The following CPNE5 variants were observed in gnomAD, a reference collection of about 807,000 sequenced individuals.
CPNE5 encodes the protein copine 5.
Under a neutral mutation model 81.1 loss-of-function variants are expected in CPNE5, and 42 were observed. The ratio of observed to expected loss-of-function variants is 0.52; its 90% CI spans 0.40 to 0.67. The LOEUF is 0.67. CPNE5 is among the 30% of genes least tolerant of loss of function. The probability of loss-of-function intolerance (pLI) is 0.00; values close to 1 mark genes in which losing one functional copy is unlikely to be tolerated. For missense variants in CPNE5, 612 were observed against 815.5 expected, an observed-to-expected ratio of 0.75 and a Z score of 3.04; for synonymous variants, 313 against 321.5, an observed-to-expected ratio of 0.97 and a Z score of 0.28.
At chr6:36,838,310 T>G (rs1289569337) in intron 1 of CPNE5, among the ~76,000 whole-genome samples, 1 of 152,230 alleles carries the variant, frequency 6.6e-6, no homozygotes, top group Non-Finnish European at 1.5e-5. Context: ...ATGCTGTCGG[T>G]GATCTGGGGC....
In CPNE5 at chr6:36,838,130, C is replaced by A. The variant is rs141253598; in HGVS notation, c.95+1153G>T. Among the ~76,000 whole-genome samples, 502 of 152,320 alleles carry A rather than the reference C, an allele frequency of 3.3e-3. 3 individuals carry two copies. The highest frequency in any genetic ancestry group is 0.011 in the African/African-American group (463 of 41,564). ...TCACACTGAGTCCTTCCCTCCTTCA[C>A]GCCCCTGCCCAGACTCTCCAGCTCT... On this transcript the variant is annotated intron_variant, in intron 1 of 20. Transcript: ENST00000244751.
At chr6:36,811,086 C>T (rs751495897) in intron 3 of CPNE5, among the ~76,000 whole-genome samples, 43 of 152,186 alleles carry the variant, frequency 2.8e-4, no homozygotes, top group Non-Finnish European at 5.4e-4. Flanking sequence ...CCTCGGGGAA[C>T]GGGGAACGAC....
intron 3 of CPNE5, among the ~76,000 whole-genome samples, chr6:36,816,579 T>C (rs1225507772): frequency 6.6e-6 from 1 of 152,234 alleles, no homozygotes; most frequent in Non-Finnish European, 1.5e-5. Context: ...AGAGGTGATT[T>C]GTTCCTGAAG....
At chr6:36,812,892 G>A (rs1771222444) in intron 3 of CPNE5, among the ~76,000 whole-genome samples, 1 of 152,228 alleles carries the variant, frequency 6.6e-6, no homozygotes, top group Non-Finnish European at 1.5e-5. Context: ...ACCTCTTAGA[G>A]AGGCCTGCCT....
chr6:36,817,556 T>C (rs1409062803), intron 3 of CPNE5, among the ~76,000 whole-genome samples: 1 of 152,142 alleles, frequency 6.6e-6, no homozygotes, highest in Non-Finnish European at 1.5e-5. Context: ...TGACTCTTCC[T>C]GTATCTTGCC....
intron 8 of CPNE5, among the ~76,000 whole-genome samples, chr6:36,786,919 A>G (rs2150492668): frequency 6.6e-6 from 1 of 151,814 alleles, no homozygotes; most frequent in East Asian, 1.9e-4. Flanking sequence ...TCCATAATGA[A>G]TATGTTATTT....
chr6:36,822,826 C>T (rs1455983982), intron 2 of CPNE5, among the ~76,000 whole-genome samples: 2 of 152,188 alleles, frequency 1.3e-5, no homozygotes, highest in African/African-American at 4.8e-5. Context: ...CCTCCAACCC[C>T]TCCCAGCCTG....
intron 9 of CPNE5, among the ~76,000 whole-genome samples, chr6:36,775,908 A>G (rs1767455963): frequency 1.3e-5 from 2 of 152,158 alleles, no homozygotes; most frequent in Admixed American, 1.3e-4. Context: ...TAAATGAATC[A>G]ATGTATTTCT....
At chr6:36,745,546 C>A in intron 16 of CPNE5, 31 bp from the exon 17 acceptor site, 1 of 1,586,106 alleles carries the variant, frequency 6.3e-7, no homozygotes, top group East Asian at 2.3e-5. Flanking sequence ...AGGCTGAGCC[C>A]AGGAAGGAAG....
chr6:36,746,274 C>T lies in CPNE5; in HGVS notation c.1200+122G>A, dbSNP rs1764148060. On this transcript the variant is annotated intron_variant, in intron 16 of 20. Coordinates refer to ENST00000244751, the MANE Select transcript of CPNE5 (RefSeq NM_020939.2). The surrounding 1 kb of genome is among the most constrained non-coding windows in gnomAD (Gnocchi z 4.5). ...CCCCCTACACACAGCAGGCAGTCTA[C>T]CTCCACTGAGGCTGAGCCTTAAGTC... 1.4e-6 allele frequency: 2 copies of T among 1,451,852 alleles called. No individual in the cohort carries two copies. Among genetic ancestry groups the T allele is most frequent in the African/African-American group, 2.9e-5 (2 of 69,174 alleles). The allele number at this position is 1,451,852 out of a possible 1,614,324, so 89.9% of individuals were successfully genotyped here. A position where few individuals can be genotyped will look rare whatever the true frequency, so the allele number is the denominator to read the frequency against.
intron 10 of CPNE5, among the ~76,000 whole-genome samples, chr6:36,774,410 G>C (rs147787569): frequency 9.9e-5 from 15 of 152,238 alleles, no homozygotes; most frequent in Non-Finnish European, 2.1e-4. Context: ...AGAAATCCCA[G>C]AAGCTCTTTG....
At chr6:36,748,823 A>T (rs981695702) in intron 14 of CPNE5, among the ~76,000 whole-genome samples, 3 of 152,212 alleles carry the variant, frequency 2.0e-5, no homozygotes, top group African/African-American at 7.2e-5. Flanking sequence ...ATGACACCAC[A>T]GGAGATGCAG....
chr6:36,768,225 C>CTCT (rs1766736142), intron 10 of CPNE5, among the ~76,000 whole-genome samples: 2 of 60,496 alleles, frequency 3.3e-5, no homozygotes, highest in Non-Finnish European at 6.1e-5. Flanking sequence ...ATTCACAGTT[C>CTCT]TTTTTTTTTT....
chr6:36,838,939 G>T (rs1012421654), intron 1 of CPNE5, among the ~76,000 whole-genome samples: 6 of 152,066 alleles, frequency 3.9e-5, no homozygotes, highest in African/African-American at 7.2e-5. Flanking sequence ...TGGGGATGGG[G>T]TGATCAGAGA....
chr6:36,796,331 C>T (rs1046705139), intron 6 of CPNE5, among the ~76,000 whole-genome samples: 58 of 152,338 alleles, frequency 3.8e-4, no homozygotes, highest in Non-Finnish European at 7.1e-4. Flanking sequence ...TCAATACTCC[C>T]CCACCCCCAG....
Position 36,839,016 on chromosome 6 carries a change from C to T in CPNE5, c.95+267G>A, listed in dbSNP as rs914502796. On this transcript the variant is annotated intron_variant, in intron 1 of 20. Transcript: ENST00000244751. This position sits in a 1 kb window ranked among gnomAD's most constrained non-coding sequence, Gnocchi z 7.3. The stretch of plus-strand genomic sequence containing the variant: ...CTCTCCCCACTTGGGTGCCTGGACC[C>T]CCTGTTCCTGTGTCTTCATATCTCC... 3.9e-5 allele frequency among the ~76,000 whole-genome samples: 6 copies of T among 152,178 alleles called. No homozygotes were observed. Among genetic ancestry groups the T allele is most frequent in the Admixed American group, 3.9e-4 (6 of 15,280 alleles).
rs543927527 is a variant in CPNE5 at position 36,783,902 on chromosome 6, A to T, written c.529-4945T>A. Among the ~76,000 whole-genome samples the T allele has an allele frequency of 6.6e-5, 10 of 152,328 alleles. No homozygotes were observed. The East Asian group carries it at 1.9e-3, about 29-fold the overall frequency. On this transcript the variant is annotated intron_variant, in intron 8 of 20. Transcript: ENST00000244751. ...CACACAGCTAGCAAGAGGCGCTAAG[A>T]TGGGAACAAGACAGTCTGGCTCCAA...
At chr6:36,795,166 TTTTTA>T (rs1769451317) in intron 6 of CPNE5, among the ~76,000 whole-genome samples, 1 of 152,170 alleles carries the variant, frequency 6.6e-6, no homozygotes, top group African/African-American at 2.4e-5. Context: ...AATAGAGTCT[TTTTTA>T]TTTTTTTATT....
intron 10 of CPNE5, among the ~76,000 whole-genome samples, chr6:36,768,136 GAGA>G (rs1263225932): frequency 2.0e-5 from 3 of 151,556 alleles, no homozygotes; most frequent in Non-Finnish European, 4.4e-5. Flanking sequence ...AGCTTTGGGA[GAGA>G]AGGAGGTGAG....
Sources: allele counts gnomAD v4.1 joint callset (sites outside exome capture counted in the v4.1 genomes callset), GRCh38; gene constraint gnomAD v4.1.1; non-coding constraint Gnocchi (gnomAD v3.1); transcripts MANE v1.5; gene names NCBI Gene and HGNC (gene_info 2026-07-23, HGNC 2026-07-21).